TUBA4B: variants seen among roughly 807,000 people sequenced by gnomAD.
TUBA4B encodes tubulin alpha 4b, also known as tubulin-like protein alpha-4B.
In TUBA4B, 13 loss-of-function variants were observed where a neutral mutation model predicts 18.4. The ratio of observed to expected loss-of-function variants is 0.71; its 90% CI spans 0.46 to 1.12. The LOEUF is 1.12. TUBA4B is among the 50% of genes most tolerant of loss of function. TUBA4B has a pLI of 0.00. For missense variants in TUBA4B, 244 were observed against 250.0 expected, an observed-to-expected ratio of 0.98 and a Z score of 0.16; for synonymous variants, 101 against 99.1, an observed-to-expected ratio of 1.02 and a Z score of -0.11.
Position 219,256,877 on chromosome 2 carries a change from G to T in TUBA4B, c.12+3458G>T, listed in dbSNP as rs1238752264. On this transcript the variant is annotated intron_variant, in intron 1 of 3. Transcript: ENST00000490341. ...AGAGGTCAAAAGTAAGTAGAGGTCA[G>T]AATGATGTGATTGTTGGCTTTGAAG... Among the ~76,000 whole-genome samples the T allele has an allele frequency of 2.0e-5, 3 of 152,040 alleles. No individual in the cohort carries two copies. In the East Asian group the frequency reaches 5.8e-4, roughly 29 times the overall value.
chr2:219,254,071 C>G (rs942369220), intron 1 of TUBA4B: 2 of 451,886 alleles, frequency 4.4e-6, no homozygotes, highest in Non-Finnish European at 8.0e-6. Flanking sequence ...GGTACCCTCC[C>G]CAAGCTGCGC....
At chr2:219,255,688 G>C (rs145234656) in intron 1 of TUBA4B, among the ~76,000 whole-genome samples, 10 of 152,116 alleles carry the variant, frequency 6.6e-5, no homozygotes, top group Non-Finnish European at 1.3e-4. Context: ...TTTTCTAATT[G>C]TCTCCCTTCA....
chr2:219,258,672 T>C (rs1484357711), intron 1 of TUBA4B, among the ~76,000 whole-genome samples: 1 of 152,162 alleles, frequency 6.6e-6, no homozygotes, highest in African/African-American at 2.4e-5. Context: ...CCCTGGCAGA[T>C]AACAAATGTG....
intron 1 of TUBA4B, among the ~76,000 whole-genome samples, chr2:219,260,105 T>C (rs1390895202): frequency 6.6e-6 from 1 of 152,144 alleles, no homozygotes; most frequent in East Asian, 1.9e-4. Context: ...CAGCACCGGC[T>C]TCTAGCTTTT....
chr2:219,271,774 A>G lies in TUBA4B; in HGVS notation c.*75A>G. 1 of 1,610,512 alleles carries G rather than the reference A, an allele frequency of 6.2e-7. No homozygotes were observed. On this transcript the variant is annotated 3_prime_UTR_variant, in exon 4 of 4. Transcript: ENST00000490341. ...TGGAGATGTGGTGCCCAAGGATGTC[A>G]ACGCTGCCATTGCTGCCATCAAGAC...
At chr2:219,262,039 T>C (rs1274804491) in intron 1 of TUBA4B, among the ~76,000 whole-genome samples, 3 of 152,178 alleles carry the variant, frequency 2.0e-5, no homozygotes, top group African/African-American at 7.2e-5. Context: ...TGGCCGGGTG[T>C]AGTGGCTCAC....
At chr2:219,260,921 A>G (rs1951755909) in intron 1 of TUBA4B, among the ~76,000 whole-genome samples, 1 of 152,144 alleles carries the variant, frequency 6.6e-6, no homozygotes, top group African/African-American at 2.4e-5. Flanking sequence ...GTGAGCCAAG[A>G]TCGCACCATC....
intron 2 of TUBA4B, among the ~76,000 whole-genome samples, chr2:219,267,305 T>C (rs1312555494): frequency 1.3e-5 from 2 of 152,176 alleles, no homozygotes; most frequent in Admixed American, 6.5e-5. Context: ...CATCTATAAA[T>C]TGGGGGTAAT....
intron 1 of TUBA4B, among the ~76,000 whole-genome samples, chr2:219,255,985 C>T (rs1044459605): frequency 6.6e-6 from 1 of 151,472 alleles, no homozygotes; most frequent in East Asian, 1.9e-4. Context: ...CTGACAGGGG[C>T]GTATAATGAG....
chr2:219,260,074 C>T (rs1479989530), intron 1 of TUBA4B, among the ~76,000 whole-genome samples: 4 of 152,178 alleles, frequency 2.6e-5, no homozygotes, highest in East Asian at 3.9e-4. Context: ...TCTTGAAATT[C>T]TTTTTTGTTG....
chr2:219,257,288 AC>A (rs1200742709), intron 1 of TUBA4B, among the ~76,000 whole-genome samples: 2 of 131,988 alleles, frequency 1.5e-5, no homozygotes. Flanking sequence ...TGATCCACCC[AC>A]CTCAGCCTCC....
chr2:219,253,942 C>T, intron 1 of TUBA4B: 1 of 1,017,240 alleles, frequency 9.8e-7, no homozygotes, highest in South Asian at 3.3e-5. Flanking sequence ...CCGCACCGCC[C>T]TTATAGGCGG....
At position 219,272,068 on chromosome 2, in the gene TUBA4B, C is replaced by A; in HGVS notation, c.*369C>A. ...TCCAAGGCCCATGAGGATATGACTG[C>A]CCTGGAGAAGGATTACAAGGAGGTG... On this transcript the variant is annotated 3_prime_UTR_variant, in exon 4 of 4. Coordinates refer to ENST00000490341, the MANE Select transcript of TUBA4B (RefSeq NM_001355221.1). 1 of 1,266,798 alleles carries A rather than the reference C, an allele frequency of 7.9e-7. No homozygotes were observed. Among genetic ancestry groups the A allele is most frequent in the Non-Finnish European group, 1.2e-6 (1 of 867,602 alleles). The allele number at this position is 1,266,798 out of a possible 1,614,324, so 78.5% of individuals were successfully genotyped here.
chr2:219,264,046 G>A (rs1031816076), intron 1 of TUBA4B, among the ~76,000 whole-genome samples: 3 of 152,198 alleles, frequency 2.0e-5, no homozygotes, highest in African/African-American at 7.2e-5. Context: ...AAGATATGTT[G>A]TAGGGCCCCC....
At chr2:219,266,497 C>T (rs1297115310) in intron 1 of TUBA4B, 24 bp from the exon 2 acceptor site, 1 of 702,536 alleles carries the variant, frequency 1.4e-6, no homozygotes, top group Non-Finnish European at 2.6e-6. Context: ...TCTCACAGAT[C>T]TATCCCTGCT....
At chr2:219,253,973 T>G in intron 1 of TUBA4B, 1 of 1,108,980 alleles carries the variant, frequency 9.0e-7, no homozygotes, top group Non-Finnish European at 1.2e-6. Flanking sequence ...GGGCCCGCGT[T>G]CCCCGCTCGC....
chr2:219,254,715 G>A (rs1449522177), intron 1 of TUBA4B: 1 of 152,272 alleles, frequency 6.6e-6, no homozygotes, highest in African/African-American at 2.4e-5. Flanking sequence ...TCTCCTCCAG[G>A]CTACCCTGTG....
intron 1 of TUBA4B, among the ~76,000 whole-genome samples, chr2:219,258,170 T>C (rs1189846144): frequency 2.0e-5 from 3 of 151,816 alleles, no homozygotes; most frequent in East Asian, 1.9e-4. Flanking sequence ...TTTGTAGTTT[T>C]AGTAGAGATA....
At chr2:219,259,770 T>C (rs1051978021) in intron 1 of TUBA4B, among the ~76,000 whole-genome samples, 3 of 152,184 alleles carry the variant, frequency 2.0e-5, no homozygotes, top group African/African-American at 4.8e-5. Flanking sequence ...CTGGGAGAGA[T>C]AGAGCCACAG....
Sources: gnomAD v4.1 joint callset for allele counts (sites outside exome capture counted in the v4.1 genomes callset) on GRCh38, gnomAD v4.1.1 for gene constraint, MANE v1.5 for transcripts, NCBI Gene and HGNC (gene_info 2026-07-23, HGNC 2026-07-21) for gene names.